Variants in JAK2 observed in about 807,000 individuals in gnomAD.
The protein encoded by JAK2 is tyrosine-protein kinase JAK2.
A neutral mutation model predicts 139.3 loss-of-function variants in JAK2; 86 were observed. That is an observed-to-expected ratio of 0.62 (90% CI 0.52 to 0.74). JAK2 has a LOEUF of 0.74. Ranked by LOEUF, JAK2 falls within the 30% of genes least tolerant of loss-of-function variation. The pLI is 0.00. For synonymous variants in JAK2, 490 were observed against 437.7 expected (o/e 1.12, Z -1.49); for missense variants, 1,421 against 1,360.3 (o/e 1.04, Z -0.70).
intron 22 of JAK2, chr9:5,098,517 G>C (rs1821202837): frequency 6.6e-6 from 1 of 152,074 alleles, no homozygotes; most frequent in Non-Finnish European, 1.5e-5. Context: ...AGATGCCCAA[G>C]AAATTGAGAC....
At chr9:5,027,826 T>G (rs1260648446) in intron 3 of JAK2, among the ~76,000 whole-genome samples, 1 of 152,208 alleles carries the variant, frequency 6.6e-6, no homozygotes, top group African/African-American at 2.4e-5. Flanking sequence ...ATGTCCAAGT[T>G]TTATCGTGAG....
Position 5,016,101 on chromosome 9 carries a change from G to A in JAK2, c.-25-5862G>A, listed in dbSNP as rs7018656. ...GATGTTACTTTTACTGCCAGCCGTC[G>A]CTTCCCTCCAAATAGACTATTGGAA... On this transcript the variant is annotated intron_variant, in intron 2 of 24. Coordinates refer to ENST00000381652, the MANE Select transcript of JAK2 (RefSeq NM_004972.4). 6.1e-3 allele frequency among the ~76,000 whole-genome samples: 927 copies of A among 152,034 alleles called. 12 individuals are homozygous for A. Among genetic ancestry groups the A allele is most frequent in the African/African-American group, 0.021 (885 of 41,380 alleles).
chr9:5,118,962 T>G (rs1823408737), intron 22 of JAK2, among the ~76,000 whole-genome samples: 1 of 152,190 alleles, frequency 6.6e-6, no homozygotes, highest in South Asian at 2.1e-4. Flanking sequence ...TAAAATTAAT[T>G]CCAACTATAT....
Position 5,080,796 on chromosome 9 carries a change from C to T in JAK2, c.2434+113C>T, listed in dbSNP as rs936202590. The T allele has an allele frequency of 1.6e-5, 11 of 703,504 alleles. No homozygotes were observed. In the African/African-American group the frequency reaches 1.9e-4, roughly 12 times the overall value. 43.6% of individuals were successfully genotyped at this position (703,504 alleles called of 1,614,324 possible). Reference sequence around the variant, plus strand: ...ACATTTTCTTGATGTCATTTGGGCCCTCTTAATTTCTTATGTTCATATGGC... The same window carrying T: ...ACATTTTCTTGATGTCATTTGGGCCTTCTTAATTTCTTATGTTCATATGGC... On this transcript the variant is annotated intron_variant, in intron 18 of 24. Coordinates refer to ENST00000381652, the MANE Select transcript of JAK2 (RefSeq NM_004972.4).
At chr9:5,048,843 A>G (rs1363860038) in intron 5 of JAK2, among the ~76,000 whole-genome samples, 1 of 152,220 alleles carries the variant, frequency 6.6e-6, no homozygotes, top group Non-Finnish European at 1.5e-5. Context: ...TAGAGTATAG[A>G]GGGCCCTTGT....
At chr9:5,123,721 C>A (rs1823785175) in intron 23 of JAK2, among the ~76,000 whole-genome samples, 1 of 151,848 alleles carries the variant, frequency 6.6e-6, no homozygotes, top group Non-Finnish European at 1.5e-5. Context: ...TCTGAGAAAT[C>A]TTTATAATGT....
intron 4 of JAK2, chr9:5,041,535 T>G (rs1323362606): frequency 5.6e-6 from 3 of 539,204 alleles, no homozygotes; most frequent in Non-Finnish European, 1.1e-5. Flanking sequence ...CGAAGTGCTC[T>G]GCGAGAACTT....
intron 2 of JAK2, among the ~76,000 whole-genome samples, chr9:5,011,120 G>T (rs1044681675): frequency 2.0e-5 from 3 of 152,156 alleles, no homozygotes; most frequent in African/African-American, 7.2e-5. Context: ...GGATTCAGAT[G>T]AACTTTTTGG....
At chr9:5,095,521 A>C (rs975188327) in intron 22 of JAK2, among the ~76,000 whole-genome samples, 1 of 152,138 alleles carries the variant, frequency 6.6e-6, no homozygotes, top group Non-Finnish European at 1.5e-5. Flanking sequence ...CTTAATAATA[A>C]CAGCCCTAGT....
At chr9:5,100,865 G>C (rs1256591659) in intron 22 of JAK2, 2 of 152,224 alleles carry the variant, frequency 1.3e-5, no homozygotes, top group African/African-American at 2.4e-5. Flanking sequence ...GTTATTACTG[G>C]ATCAACATTT....
At chr9:5,091,371 A>T (rs1303472641) in intron 22 of JAK2, 1 of 152,818 alleles carries the variant, frequency 6.5e-6, no homozygotes, top group Non-Finnish European at 1.5e-5. Context: ...GGGCCTTATT[A>T]TTAGGATTAT....
chr9:5,088,173 A>C (rs575270584), intron 19 of JAK2, among the ~76,000 whole-genome samples: 1 of 152,244 alleles, frequency 6.6e-6, no homozygotes, highest in East Asian at 1.9e-4. Flanking sequence ...GGTCACAGAG[A>C]GAGCAAGTTG....
At chr9:5,037,694 C>T (rs11999076) in intron 4 of JAK2, among the ~76,000 whole-genome samples, 51,038 of 151,762 alleles carry the variant, frequency 0.34, 9,148 homozygotes, top group African/African-American at 0.47. Flanking sequence ...CATCACATAC[C>T]GGGGCCTGTT....
At chr9:5,017,123 T>C (rs913642383) in intron 2 of JAK2, among the ~76,000 whole-genome samples, 13 of 152,192 alleles carry the variant, frequency 8.5e-5, no homozygotes, top group Non-Finnish European at 1.8e-4. Flanking sequence ...TTTATGTTAA[T>C]AGATACCACA....
At chr9:5,082,252 G>A (rs1178612774) in intron 19 of JAK2, among the ~76,000 whole-genome samples, 1 of 152,210 alleles carries the variant, frequency 6.6e-6, no homozygotes, top group East Asian at 1.9e-4. Flanking sequence ...GAATGCGGCA[G>A]GAGAGCAGGG....
chr9:5,054,467 T>A lies in JAK2; in HGVS notation c.615-96T>A. 9.8e-7 allele frequency: 1 copy of A among 1,016,770 alleles called. No individual in the cohort carries two copies. Among genetic ancestry groups the A allele is most frequent in the Middle Eastern group, 2.8e-4 (1 of 3,594 alleles). 63.0% of individuals were successfully genotyped at this position (1,016,770 alleles called of 1,614,324 possible). A position where few individuals can be genotyped will look rare whatever the true frequency, so the allele number is the denominator to read the frequency against. ...CCACTGTGTTGTAAGGCCTACTTAA[T>A]CATGGAAAAAGGTGGTAACTTCTTT... is the stretch of plus-strand genomic sequence containing the variant. On this transcript the variant is annotated intron_variant, in intron 6 of 24. Transcript: ENST00000381652. The surrounding 1 kb of genome is among the most constrained non-coding windows in gnomAD (Gnocchi z 4.9).
At chr9:5,044,789 C>T (rs1006942793) in intron 5 of JAK2, among the ~76,000 whole-genome samples, 18 of 151,990 alleles carry the variant, frequency 1.2e-4, no homozygotes, top group African/African-American at 2.9e-4. Flanking sequence ...TTAAGGATTT[C>T]GCAAAGTATA....
chr9:5,090,129 T>C (rs1820464346), intron 20 of JAK2, among the ~76,000 whole-genome samples: 1 of 152,248 alleles, frequency 6.6e-6, no homozygotes, highest in African/African-American at 2.4e-5. Flanking sequence ...TTACATTTTC[T>C]ATAAAAATAT....
intron 22 of JAK2, among the ~76,000 whole-genome samples, chr9:5,107,250 C>G (rs955349593): frequency 1.3e-5 from 2 of 151,986 alleles, no homozygotes; most frequent in Non-Finnish European, 1.5e-5. Flanking sequence ...CCTTAGTAAC[C>G]GACACCTTAC....
Sources: gnomAD v4.1 joint callset for allele counts (sites outside exome capture counted in the v4.1 genomes callset) on GRCh38, gnomAD v4.1.1 for gene constraint, Gnocchi (gnomAD v3.1) non-coding constraint, MANE v1.5 for transcripts, NCBI Gene and HGNC (gene_info 2026-07-23, HGNC 2026-07-21) for gene names.